SLC38A11: variants seen among roughly 807,000 people sequenced by gnomAD.
SLC38A11 encodes the protein solute carrier family 38 member 11, also known as putative sodium-coupled neutral amino acid transporter 11.
A neutral mutation model predicts 49.4 loss-of-function variants in SLC38A11; 51 were observed. The observed-to-expected ratio is 1.03, with a 90% confidence interval of 0.83 to 1.30. The LOEUF is 1.30. SLC38A11 is among the 50% of genes most tolerant of loss of function. The pLI is 0.00. For synonymous variants in SLC38A11, 203 were observed against 192.9 expected (o/e 1.05, Z -0.43); for missense variants, 574 against 556.2 (o/e 1.03, Z -0.32).
intron 2 of SLC38A11, among the ~76,000 whole-genome samples, chr2:164,953,865 TAG>T (rs1472370316): frequency 2.0e-5 from 3 of 152,148 alleles, no homozygotes; most frequent in East Asian, 1.9e-4. Context: ...TTTTCTGAGA[TAG>T]AGTGTTTTCA....
At chr2:164,943,979 C>G (rs546583627) in intron 5 of SLC38A11, among the ~76,000 whole-genome samples, 1 of 152,270 alleles carries the variant, frequency 6.6e-6, no homozygotes, top group Non-Finnish European at 1.5e-5. Flanking sequence ...ACCTCAGCCT[C>G]CCAAGTAGCT....
intron 10 of SLC38A11, 23 bp downstream of exon 10, chr2:164,911,613 C>A: frequency 1.6e-6 from 2 of 1,257,046 alleles, no homozygotes; most frequent in South Asian, 1.4e-5. Flanking sequence ...CTGGGTAAAG[C>A]GTTGGGAAGG....
At chr2:164,947,917 C>A (rs73017827) in intron 3 of SLC38A11, among the ~76,000 whole-genome samples, 8,534 of 152,130 alleles carry the variant, frequency 0.056, 791 homozygotes, top group African/African-American at 0.19. Context: ...CTTTTACCCA[C>A]CAATCTGGCC....
chr2:164,914,364 T>A (rs893407022), intron 9 of SLC38A11, among the ~76,000 whole-genome samples: 1 of 152,000 alleles, frequency 6.6e-6, no homozygotes, highest in Non-Finnish European at 1.5e-5. Flanking sequence ...GCTCAGTTGC[T>A]GGGCCTGGGT....
intron 9 of SLC38A11, chr2:164,912,392 C>T (rs1304490891): frequency 6.6e-6 from 1 of 152,078 alleles, no homozygotes; most frequent in Admixed American, 6.6e-5. Context: ...TCCCTAAATT[C>T]TTCAGCACTG....
In SLC38A11 at chr2:164,915,102, C is replaced by T. The variant is rs201878422; in HGVS notation, c.850+10G>A. On this transcript the variant is annotated intron_variant, in intron 9 of 11. Coordinates refer to ENST00000685975, the MANE Select transcript of SLC38A11 (RefSeq NM_001351537.2). ...GCACATGAACACTATAACTGAATCT[C>T]TCATTTTACCTTGGGTGAAGCCAGT... 2.2e-4 allele frequency: 346 copies of T among 1,600,284 alleles called. No homozygotes were observed. The highest frequency in any genetic ancestry group is 2.9e-4 in the Non-Finnish European group (340 of 1,173,970).
At chr2:164,951,365 T>A (rs1486864427) in intron 3 of SLC38A11, among the ~76,000 whole-genome samples, 2 of 152,030 alleles carry the variant, frequency 1.3e-5, no homozygotes, top group African/African-American at 4.8e-5. Context: ...AATGAAATTT[T>A]TTTTTTTAGT....
chr2:164,931,109 A>G (rs1686967720), intron 7 of SLC38A11, among the ~76,000 whole-genome samples: 1 of 151,920 alleles, frequency 6.6e-6, no homozygotes, highest in African/African-American at 2.4e-5. Context: ...TAAACCAACA[A>G]CAGTCAAGCA....
chr2:164,938,740 T>A (rs1436841830), intron 6 of SLC38A11, among the ~76,000 whole-genome samples: 1 of 152,150 alleles, frequency 6.6e-6, no homozygotes, highest in Non-Finnish European at 1.5e-5. Flanking sequence ...AACGTTGGAT[T>A]TTTCAAAATA....
intron 5 of SLC38A11, among the ~76,000 whole-genome samples, chr2:164,942,240 G>A (rs1490760156): frequency 6.6e-6 from 1 of 152,020 alleles, no homozygotes; most frequent in East Asian, 1.9e-4. Flanking sequence ...TTTGAGCTCA[G>A]GAGTTCGAGA....
intron 10 of SLC38A11, among the ~76,000 whole-genome samples, chr2:164,910,230 A>G (rs1685303593): frequency 6.6e-6 from 1 of 152,132 alleles, no homozygotes; most frequent in Non-Finnish European, 1.5e-5. Flanking sequence ...CACAGCAGCT[A>G]GAAAGGAAAC....
chr2:164,948,137 G>A lies in SLC38A11; in HGVS notation c.230-2410C>T, dbSNP rs116750438. ...GATTTGAGCTCATCTGTAAAGTAAG[G>A]CAATATGGCACCCTTGAAGAGTGGT... On this transcript the variant is annotated intron_variant, in intron 3 of 11. Coordinates refer to ENST00000685975, the MANE Select transcript of SLC38A11 (RefSeq NM_001351537.2). 4.8e-3 allele frequency among the ~76,000 whole-genome samples: 727 copies of A among 152,276 alleles called. 8 individuals carry two copies. The highest frequency in any genetic ancestry group is 0.016 in the African/African-American group (673 of 41,552).
intron 7 of SLC38A11, 44 bp from the exon 8 acceptor site, chr2:164,916,017 C>G: frequency 7.4e-7 from 1 of 1,347,572 alleles, no homozygotes; most frequent in South Asian, 1.2e-5. Context: ...TAAATAAATA[C>G]AAGCATCAGT....
intron 5 of SLC38A11, among the ~76,000 whole-genome samples, chr2:164,942,207 G>T (rs992338972): frequency 6.6e-6 from 1 of 152,064 alleles, no homozygotes; most frequent in African/African-American, 2.4e-5. Context: ...CCAACACTTT[G>T]GGAGGCTGAG....
At chr2:164,945,517 A>G (rs1574002191) in intron 4 of SLC38A11, 76 bp downstream of exon 4, 2 of 1,382,000 alleles carry the variant, frequency 1.4e-6, no homozygotes, top group Non-Finnish European at 1.9e-6. Flanking sequence ...TTTAATGACT[A>G]TTAAAAGTAT....
intron 7 of SLC38A11, among the ~76,000 whole-genome samples, chr2:164,931,740 AC>A: frequency 6.6e-6 from 1 of 152,278 alleles, no homozygotes; most frequent in East Asian, 1.9e-4. Flanking sequence ...TTGAAACTGG[AC>A]CCCTTCCTTA....
chr2:164,916,778 G>A (rs1385833263), intron 7 of SLC38A11, among the ~76,000 whole-genome samples: 1 of 152,076 alleles, frequency 6.6e-6, no homozygotes, highest in Non-Finnish European at 1.5e-5. Context: ...ATTTGATATT[G>A]GCAGTGATAG....
At chr2:164,939,615 C>T in intron 5 of SLC38A11, 59 bp from the exon 6 acceptor site, 2 of 1,049,020 alleles carry the variant, frequency 1.9e-6, no homozygotes, top group South Asian at 1.5e-5. Context: ...TGGTGACACA[C>T]TAAATAGGCC....
chr2:164,901,865 A>T (rs1173493062), intron 11 of SLC38A11, among the ~76,000 whole-genome samples: 2 of 151,992 alleles, frequency 1.3e-5, no homozygotes, highest in Non-Finnish European at 2.9e-5. Context: ...GTTGTTTCCT[A>T]TTAATTGTGA....
Sources: gnomAD v4.1 joint callset for allele counts (sites outside exome capture counted in the v4.1 genomes callset) on GRCh38, gnomAD v4.1.1 for gene constraint, MANE v1.5 for transcripts, NCBI Gene and HGNC (gene_info 2026-07-23, HGNC 2026-07-21) for gene names.